CNTNAP2: variants seen among roughly 807,000 people sequenced by gnomAD.
CNTNAP2 encodes the protein contactin-associated protein-like 2.
Under a neutral mutation model 155.2 loss-of-function variants are expected in CNTNAP2, and 98 were observed. The observed-to-expected ratio is 0.63, with a 90% CI of 0.54 to 0.75. CNTNAP2 has a LOEUF of 0.75. CNTNAP2 is among the 30% of genes least tolerant of loss of function. The pLI is 0.00. For synonymous variants in CNTNAP2, 651 were observed against 631.2 expected (o/e 1.03, Z -0.47); for missense variants, 1,727 against 1,688.1 (o/e 1.02, Z -0.40).
At chr7:146,373,814 C>G (rs773380095) in intron 1 of CNTNAP2, among the ~76,000 whole-genome samples, 1 of 152,086 alleles carries the variant, frequency 6.6e-6, no homozygotes, top group Admixed American at 6.5e-5. Flanking sequence ...AATAAAAGGT[C>G]ATATACACGT....
intron 15 of CNTNAP2, among the ~76,000 whole-genome samples, chr7:147,988,003 A>G (rs1224794173): frequency 1.3e-5 from 2 of 152,066 alleles, no homozygotes; most frequent in Admixed American, 1.3e-4. Context: ...CAGGTTTTAT[A>G]CATTTTAGAG....
intron 12 of CNTNAP2, among the ~76,000 whole-genome samples, chr7:147,592,998 C>T (rs778580793): frequency 2.6e-5 from 4 of 152,144 alleles, no homozygotes; most frequent in Non-Finnish European, 5.9e-5. Context: ...CAAGATTAAA[C>T]CTTACTCAAA....
At chr7:146,246,762 T>C (rs1462983536) in intron 1 of CNTNAP2, among the ~76,000 whole-genome samples, 4 of 152,296 alleles carry the variant, frequency 2.6e-5, no homozygotes, top group South Asian at 2.1e-4. Context: ...AGTGGTGTCC[T>C]GCACAGATGG....
intron 3 of CNTNAP2, among the ~76,000 whole-genome samples, chr7:146,953,388 G>C (rs1797362459): frequency 1.3e-5 from 2 of 151,804 alleles, no homozygotes; most frequent in South Asian, 4.1e-4. Flanking sequence ...TGTTTAACGA[G>C]ATGATAAAAA....
chr7:148,276,697 CA>C (rs1248633299), intron 21 of CNTNAP2, among the ~76,000 whole-genome samples: 1 of 152,178 alleles, frequency 6.6e-6, no homozygotes, highest in African/African-American at 2.4e-5. Context: ...TAAAGGAAGT[CA>C]AGGAAGGATG....
intron 1 of CNTNAP2, among the ~76,000 whole-genome samples, chr7:146,238,083 T>C (rs1799503156): frequency 6.6e-6 from 1 of 152,214 alleles, no homozygotes; most frequent in Admixed American, 6.5e-5. Flanking sequence ...CTCTACACTA[T>C]CATTCCCCCA....
intron 9 of CNTNAP2, among the ~76,000 whole-genome samples, chr7:147,307,026 C>A (rs978456764): frequency 6.6e-6 from 1 of 152,064 alleles, no homozygotes; most frequent in Non-Finnish European, 1.5e-5. Flanking sequence ...TAAATTAAGT[C>A]ATCTTTTTGT....
chr7:148,269,490 C>G (rs187318545), intron 21 of CNTNAP2, among the ~76,000 whole-genome samples: 14 of 152,148 alleles, frequency 9.2e-5, no homozygotes, highest in African/African-American at 2.7e-4. Context: ...ATATAAGAAA[C>G]AAACGTCACA....
At chr7:148,226,719 C>A (rs1276214092) in intron 19 of CNTNAP2, among the ~76,000 whole-genome samples, 1 of 152,252 alleles carries the variant, frequency 6.6e-6, no homozygotes, top group Non-Finnish European at 1.5e-5. Flanking sequence ...TCGCAGGCCA[C>A]TGCGCATGCA....
rs147701322 is a variant in CNTNAP2 at position 147,560,477 on chromosome 7, G to T, written c.1778-1661G>T. On this transcript the variant is annotated intron_variant, in intron 11 of 23. Transcript: ENST00000361727. ...TATGACATTCTGAATTAGAGCAGCC[G>T]TGTAGTTTATCATCTGAATGAGACC... Among the ~76,000 whole-genome samples, 831 of 152,162 alleles carry T rather than the reference G, an allele frequency of 5.5e-3. 5 individuals are homozygous for T. The highest frequency in any genetic ancestry group is 0.018 in the African/African-American group (750 of 41,530).
At chr7:147,702,245 A>C (rs909137233) in intron 13 of CNTNAP2, among the ~76,000 whole-genome samples, 15 of 151,976 alleles carry the variant, frequency 9.9e-5, no homozygotes, top group African/African-American at 3.4e-4. Flanking sequence ...GGGTTGCAGA[A>C]TTTGCAGCAG....
intron 11 of CNTNAP2, among the ~76,000 whole-genome samples, chr7:147,507,476 C>A (rs1426601979): frequency 6.7e-6 from 1 of 149,120 alleles, no homozygotes; most frequent in Non-Finnish European, 1.5e-5. Context: ...TCAGTTACTT[C>A]TATATTGGCA....
chr7:147,693,897 G>C (rs960626873), intron 13 of CNTNAP2, among the ~76,000 whole-genome samples: 1 of 152,022 alleles, frequency 6.6e-6, no homozygotes, highest in Non-Finnish European at 1.5e-5. Flanking sequence ...GCAGTGGTGA[G>C]AGGGGACATC....
intron 8 of CNTNAP2, among the ~76,000 whole-genome samples, chr7:147,282,518 G>C (rs1805066019): frequency 6.6e-6 from 1 of 151,702 alleles, no homozygotes; most frequent in Non-Finnish European, 1.5e-5. Context: ...GAACCATCTG[G>C]TTATACTTTT....
At chr7:146,464,997 G>C (rs1292978763) in intron 1 of CNTNAP2, among the ~76,000 whole-genome samples, 1 of 152,010 alleles carries the variant, frequency 6.6e-6, no homozygotes, top group Non-Finnish European at 1.5e-5. Context: ...AACCTAGTCT[G>C]GTGTCTGCTT....
At chr7:147,649,462 T>C (rs993008532) in intron 13 of CNTNAP2, among the ~76,000 whole-genome samples, 1 of 152,186 alleles carries the variant, frequency 6.6e-6, no homozygotes, top group Non-Finnish European at 1.5e-5. Flanking sequence ...GGCTATATGT[T>C]TTCTTAAGTT....
chr7:146,201,016 C>T (rs747788372), intron 1 of CNTNAP2, among the ~76,000 whole-genome samples: 14 of 152,074 alleles, frequency 9.2e-5, no homozygotes, highest in Non-Finnish European at 8.8e-5. Context: ...ATTACTGAAT[C>T]CAAAAGGGAT....
chr7:148,236,828 G>A (rs1340070213), intron 20 of CNTNAP2, among the ~76,000 whole-genome samples: 1 of 152,198 alleles, frequency 6.6e-6, no homozygotes, highest in Non-Finnish European at 1.5e-5. Flanking sequence ...GGCAGGAGCA[G>A]GACTGAGAGA....
intron 12 of CNTNAP2, among the ~76,000 whole-genome samples, chr7:147,616,881 A>G (rs1201681456): frequency 1.3e-5 from 2 of 152,140 alleles, no homozygotes; most frequent in Non-Finnish European, 2.9e-5. Context: ...TTTTCAATAA[A>G]TGCATATTGA....
Sources: gnomAD v4.1 joint callset for allele counts (sites outside exome capture counted in the v4.1 genomes callset) on GRCh38, gnomAD v4.1.1 for gene constraint, MANE v1.5 for transcripts, NCBI Gene and HGNC (gene_info 2026-07-23, HGNC 2026-07-21) for gene names.